The following PDZD2 variants were observed in gnomAD, a reference collection of about 807,000 sequenced individuals.
PDZD2 encodes the protein PDZ domain-containing protein 2.
PDZD2 carries 90 observed loss-of-function variants against 220.7 expected under a neutral mutation model. The ratio of observed to expected loss-of-function variants is 0.41; its 90% CI spans 0.34 to 0.49. The LOEUF (loss-of-function observed/expected upper bound fraction) is 0.49. Ranked by LOEUF, PDZD2 falls within the 20% of genes least tolerant of loss-of-function variation. PDZD2 has a pLI of 0.28. For missense variants in PDZD2, 3,174 were observed against 3,608.5 expected (o/e 0.88, Z 3.08); for synonymous variants, 1,375 against 1,450.5 (o/e 0.95, Z 1.18).
chr5:31,936,243 G>A, intron 2 of PDZD2: 1 of 987,778 alleles, frequency 1.0e-6, no homozygotes, highest in Admixed American at 6.1e-5. Context: ...TTAAAGACCT[G>A]AATGGAGAAG....
chr5:31,753,640 G>A (rs938061901), intron 1 of PDZD2, among the ~76,000 whole-genome samples: 4 of 149,454 alleles, frequency 2.7e-5, no homozygotes, highest in Admixed American at 6.7e-5. Context: ...AACAAACAGC[G>A]AAGTTTGGCT....
At chr5:32,031,149 C>A (rs1755079731) in intron 6 of PDZD2, among the ~76,000 whole-genome samples, 4 of 152,134 alleles carry the variant, frequency 2.6e-5, no homozygotes, top group African/African-American at 9.7e-5. Context: ...GTCCCAGTCA[C>A]CCCCACTAAT....
At chr5:31,810,818 GGA>G (rs1225795218) in intron 2 of PDZD2, among the ~76,000 whole-genome samples, 2 of 152,192 alleles carry the variant, frequency 1.3e-5, no homozygotes, top group Non-Finnish European at 2.9e-5. Flanking sequence ...TGCTATTTAA[GGA>G]CCCAAATATA....
intron 2 of PDZD2, among the ~76,000 whole-genome samples, chr5:31,883,910 A>G (rs1740176092): frequency 6.6e-6 from 1 of 152,074 alleles, no homozygotes; most frequent in Non-Finnish European, 1.5e-5. Context: ...CCTATTCTCT[A>G]TAATTTAAAT....
chr5:31,868,772 G>GT (rs569253971), intron 2 of PDZD2, among the ~76,000 whole-genome samples: 19 of 152,176 alleles, frequency 1.2e-4, no homozygotes, highest in Admixed American at 3.9e-4. Flanking sequence ...TTAAAGGTGA[G>GT]TTTTTTTGTT....
intron 1 of PDZD2, among the ~76,000 whole-genome samples, chr5:31,741,023 A>G (rs1750227715): frequency 6.6e-6 from 1 of 152,218 alleles, no homozygotes; most frequent in Non-Finnish European, 1.5e-5. Flanking sequence ...CTCAAACTAC[A>G]TCCTGTTCAG....
chr5:32,041,463 G>A (rs941111897), intron 7 of PDZD2, among the ~76,000 whole-genome samples: 11 of 152,062 alleles, frequency 7.2e-5, no homozygotes, highest in African/African-American at 2.7e-4. Flanking sequence ...GAAAGAAGTA[G>A]ACATAGGAGA....
intron 1 of PDZD2, among the ~76,000 whole-genome samples, chr5:31,777,272 G>A (rs978225433): frequency 7.9e-5 from 12 of 152,192 alleles, no homozygotes; most frequent in African/African-American, 2.9e-4. Flanking sequence ...GGGGGCGCCA[G>A]GTCCCCCAGC....
chr5:31,849,857 C>T (rs1304609293), intron 2 of PDZD2, among the ~76,000 whole-genome samples: 1 of 121,620 alleles, frequency 8.2e-6, no homozygotes, highest in Non-Finnish European at 1.6e-5. Context: ...CTCTCTCTCT[C>T]TCATATATAT....
chr5:31,844,469 G>A (rs949136678), intron 2 of PDZD2, among the ~76,000 whole-genome samples: 2 of 152,126 alleles, frequency 1.3e-5, no homozygotes, highest in South Asian at 2.1e-4. Context: ...ATATATTTAC[G>A]TATTACTGAG....
intron 2 of PDZD2, among the ~76,000 whole-genome samples, chr5:31,848,910 G>A (rs1054771414): frequency 2.0e-5 from 3 of 152,054 alleles, no homozygotes; most frequent in Admixed American, 6.6e-5. Context: ...TTAGCCAGGC[G>A]TGGTGGCAGG....
intron 6 of PDZD2, among the ~76,000 whole-genome samples, chr5:32,036,156 T>C (rs182964493): frequency 6.6e-6 from 1 of 152,294 alleles, no homozygotes; most frequent in African/African-American, 2.4e-5. Flanking sequence ...AGACGGGGTT[T>C]CACTGTTTTA....
intron 2 of PDZD2, among the ~76,000 whole-genome samples, chr5:31,965,266 GAAACC>G (rs1431967425): frequency 6.6e-6 from 1 of 152,222 alleles, no homozygotes; most frequent in African/African-American, 2.4e-5. Context: ...AAGTGGGGTG[GAAACC>G]AGCCAGGTAT....
rs1329099597 is a variant in PDZD2, at chr5:32,108,834, C to CATT, written c.*700_*702dup. 9.2e-5 allele frequency: 14 copies of CATT among 152,766 alleles called. No homozygotes were observed. The highest frequency in any genetic ancestry group is 3.1e-4 in the African/African-American group (13 of 41,570). The allele number at this position is 152,766 out of a possible 1,614,324, so 9.5% of individuals were successfully genotyped here. A position where few individuals can be genotyped will look rare whatever the true frequency, so the allele number is the denominator to read the frequency against. ...TTATTGATCACCATGAAGTATTGATCATTTTCTATCTCAAAAGTGTAAGCC... is the reference window on the plus strand; with the variant it reads ...TTATTGATCACCATGAAGTATTGATCATTATTTTCTATCTCAAAAGTGTAAGCC... On this transcript the variant is annotated 3_prime_UTR_variant, in exon 25 of 25. Transcript: ENST00000438447.
At chr5:31,717,019 A>C (rs1281958149) in intron 1 of PDZD2, among the ~76,000 whole-genome samples, 1 of 152,080 alleles carries the variant, frequency 6.6e-6, no homozygotes, top group Non-Finnish European at 1.5e-5. Flanking sequence ...TACAAAGGTA[A>C]GTGGTTTTTT....
Position 32,090,097 on chromosome 5 carries a change from A to G in PDZD2, c.6649A>G (p.Arg2217Gly). 1 of 1,613,788 alleles carries G rather than the reference A, an allele frequency of 6.2e-7. No individual in the cohort carries two copies. Among genetic ancestry groups the G allele is most frequent in the Non-Finnish European group, 8.5e-7 (1 of 1,180,000 alleles). ...GGAGGACCATCTCTACTTCACCCCA[A>G]GGCCAGCGACCAGGACCTACTCCAT... Reference protein sequence around the residue: ...SGEDHLYFTPRPATRTYSMPA... With the variant: ...SGEDHLYFTPGPATRTYSMPA... The change falls in exon 20 of 25, where the codon AGG becomes GGG. Residue 2217 changes from arginine to glycine, a missense_variant. Arg to Gly is a moderately radical substitution (Grantham distance 125). This residue lies in a region of PDZD2 where 631 missense variants were observed against 789.9 expected (regional missense o/e 0.80). Coordinates refer to ENST00000438447, the MANE Select transcript of PDZD2 (RefSeq NM_178140.4). The surrounding 1 kb of genome is among the most constrained non-coding windows in gnomAD (Gnocchi z 4.3).
At chr5:31,975,014 G>A (rs138552301) in intron 2 of PDZD2, among the ~76,000 whole-genome samples, 100 of 152,228 alleles carry the variant, frequency 6.6e-4, no homozygotes, top group African/African-American at 2.2e-3. Flanking sequence ...AAAAAATCTC[G>A]AATAAATATT....
rs1023664255 is a variant in PDZD2, at chr5:31,889,033, G to A, written c.476+89309G>A. Among the ~76,000 whole-genome samples, 4 of 152,132 alleles carry A rather than the reference G, an allele frequency of 2.6e-5. No individual in the cohort carries two copies. The South Asian group carries it at 6.2e-4, about 24-fold the overall frequency. ...CTCCCCGAGCCCCCTCCCCTATCAC[G>A]TATGTTTTGCGGGTTGTTCTGTTGT... On this transcript the variant is annotated intron_variant, in intron 2 of 24. Coordinates refer to ENST00000438447, the MANE Select transcript of PDZD2 (RefSeq NM_178140.4).
intron 1 of PDZD2, among the ~76,000 whole-genome samples, chr5:31,709,053 A>C (rs1747963722): frequency 2.0e-5 from 3 of 151,450 alleles, no homozygotes; most frequent in Non-Finnish European, 4.4e-5. Context: ...ACGCCTGGCT[A>C]ATTTTTGTAT....
Sources: gnomAD v4.1 joint callset for allele counts (sites outside exome capture counted in the v4.1 genomes callset) on GRCh38, gnomAD v4.1.1 for gene constraint, gnomAD v4.1.1 regional missense constraint, Gnocchi (gnomAD v3.1) non-coding constraint, MANE v1.5 for transcripts, NCBI Gene and HGNC (gene_info 2026-07-23, HGNC 2026-07-21) for gene names.